The following LAMA2 variants were observed in gnomAD, a reference collection of about 807,000 sequenced individuals.
The protein encoded by LAMA2 is laminin subunit alpha 2, also known as laminin subunit alpha-2.
LAMA2 carries 269 observed loss-of-function variants against 364.8 expected under a neutral mutation model. The observed-to-expected ratio is 0.74, with a 90% CI of 0.67 to 0.82. The LOEUF (loss-of-function observed/expected upper bound fraction) is 0.82. Among genes scored for constraint, LAMA2 ranks in the 40% least tolerant of loss-of-function variants. The pLI, the probability that LAMA2 is intolerant of heterozygous loss-of-function variation, is 0.00. For missense variants in LAMA2, 3,807 were observed against 3,873.2 expected, an observed-to-expected ratio of 0.98 and a Z score of 0.45; for synonymous variants, 1,379 against 1,370.6, an observed-to-expected ratio of 1.01 and a Z score of -0.14.
intron 35 of LAMA2, among the ~76,000 whole-genome samples, chr6:129,387,980 G>A (rs1021494230): frequency 1.3e-5 from 2 of 152,080 alleles, no homozygotes; most frequent in Non-Finnish European, 2.9e-5. Flanking sequence ...ATGATGGGCT[G>A]GGCGTGGTGG....
At chr6:129,383,069 C>T (rs1383744876) in intron 34 of LAMA2, 53 bp from the exon 35 acceptor site, 30 of 1,431,884 alleles carry the variant, frequency 2.1e-5, no homozygotes, top group Non-Finnish European at 2.7e-5. Flanking sequence ...GCTTATCTAG[C>T]TGTAGCTTCA....
intron 22 of LAMA2, among the ~76,000 whole-genome samples, chr6:129,303,528 A>G (rs566433665): frequency 6.6e-6 from 1 of 152,288 alleles, no homozygotes; most frequent in East Asian, 1.9e-4. Context: ...TATAATTGAA[A>G]ATGATGTTGG....
chr6:129,233,840 T>C (rs748698919), intron 12 of LAMA2, among the ~76,000 whole-genome samples: 6 of 152,206 alleles, frequency 3.9e-5, no homozygotes, highest in Non-Finnish European at 8.8e-5. Context: ...TTGTCCTTTT[T>C]TTCCTTTTCC....
At chr6:129,308,110 G>A (rs1347508178) in intron 22 of LAMA2, among the ~76,000 whole-genome samples, 1 of 152,202 alleles carries the variant, frequency 6.6e-6, no homozygotes, top group East Asian at 1.9e-4. Context: ...ACTTCAATTA[G>A]ACATGTGATT....
intron 1 of LAMA2, chr6:128,929,619 G>T: frequency 7.2e-7 from 1 of 1,383,534 alleles, no homozygotes; most frequent in South Asian, 1.2e-5. Flanking sequence ...CTTCCACGAT[G>T]CTGACCTGCT....
At chr6:129,342,146 A>C (rs1240382177) in intron 29 of LAMA2, among the ~76,000 whole-genome samples, 197 bp from the exon 30 acceptor site, 1 of 152,220 alleles carries the variant, frequency 6.6e-6, no homozygotes, top group Non-Finnish European at 1.5e-5. Flanking sequence ...TTAGTTTCTC[A>C]AATCAAAGAG....
chr6:129,321,403 A>G (rs189442819), intron 28 of LAMA2, among the ~76,000 whole-genome samples: 2 of 152,292 alleles, frequency 1.3e-5, no homozygotes, highest in Admixed American at 1.3e-4. Flanking sequence ...TTTAGCAGGT[A>G]AACACCAAGT....
At chr6:129,157,657 T>C (rs1182535667) in intron 8 of LAMA2, 56 of 1,612,284 alleles carry the variant, frequency 3.5e-5, no homozygotes, top group Non-Finnish European at 4.7e-5. Flanking sequence ...CATTCATCAC[T>C]GTTCCACCGA....
intron 1 of LAMA2, among the ~76,000 whole-genome samples, chr6:128,883,871 T>C (rs1775993666): frequency 6.6e-6 from 1 of 151,788 alleles, no homozygotes; most frequent in Non-Finnish European, 1.5e-5. Flanking sequence ...GAACTTTGTT[T>C]TCAACTTTTA....
intron 4 of LAMA2, among the ~76,000 whole-genome samples, chr6:129,099,299 A>G (rs1409078080): frequency 6.6e-6 from 1 of 151,902 alleles, no homozygotes; most frequent in African/African-American, 2.4e-5. Flanking sequence ...CAATGCTGAA[A>G]TGCACACTAA....
chr6:129,217,659 T>C (rs1211226405), intron 12 of LAMA2, among the ~76,000 whole-genome samples: 1 of 152,214 alleles, frequency 6.6e-6, no homozygotes, highest in African/African-American at 2.4e-5. Context: ...AAACAAGTTA[T>C]TTATATTTAT....
At chr6:128,960,613 T>A (rs949279139) in intron 1 of LAMA2, among the ~76,000 whole-genome samples, 9 of 152,242 alleles carry the variant, frequency 5.9e-5, no homozygotes, top group Admixed American at 5.9e-4. Context: ...ACCCGCCTGG[T>A]CCTCCCAAAG....
chr6:129,321,359 G>A (rs764278019), intron 28 of LAMA2, among the ~76,000 whole-genome samples: 24 of 152,136 alleles, frequency 1.6e-4, no homozygotes, highest in Non-Finnish European at 2.9e-4. Flanking sequence ...CAGTAAGCCT[G>A]AGACCCTGCA....
At position 129,008,397 on chromosome 6, in the gene LAMA2, C is replaced by G. The variant is rs146364172; in HGVS notation, c.113-41521C>G. On this transcript the variant is annotated intron_variant, in intron 1 of 64. Transcript: ENST00000421865. ...ACTGAAAATTAAGAGTACAGACCCA[C>G]ATGCTATTATACAAGAGAAAGTAGT... 5.3e-5 allele frequency among the ~76,000 whole-genome samples: 8 copies of G among 152,190 alleles called. No homozygotes were observed. In the East Asian group the frequency reaches 1.5e-3, roughly 29 times the overall value.
At chr6:129,334,225 T>C (rs1297886176) in intron 29 of LAMA2, among the ~76,000 whole-genome samples, 1 of 152,210 alleles carries the variant, frequency 6.6e-6, no homozygotes, top group Non-Finnish European at 1.5e-5. Context: ...CCCTCTACCT[T>C]GGTATAGTGG....
chr6:129,470,874 G>A (rs1386030749), intron 51 of LAMA2, among the ~76,000 whole-genome samples: 1 of 151,838 alleles, frequency 6.6e-6, no homozygotes, highest in African/African-American at 2.4e-5. Flanking sequence ...AGTCCTTCAG[G>A]AGTGTTCCCC....
At chr6:129,043,120 C>A (rs1787220421) in intron 1 of LAMA2, among the ~76,000 whole-genome samples, 1 of 152,164 alleles carries the variant, frequency 6.6e-6, no homozygotes, top group Non-Finnish European at 1.5e-5. Context: ...AACAGCAATG[C>A]AGCAGACTTT....
At chr6:128,955,701 G>A (rs891240540) in intron 1 of LAMA2, among the ~76,000 whole-genome samples, 1 of 151,834 alleles carries the variant, frequency 6.6e-6, no homozygotes, top group African/African-American at 2.4e-5. Flanking sequence ...TCTATCATTG[G>A]TCAATACATC....
rs559133487 is a variant in LAMA2, at chr6:129,019,882, G to A, written c.113-30036G>A. 3.9e-5 allele frequency among the ~76,000 whole-genome samples: 6 copies of A among 152,166 alleles called. No homozygotes were observed. In the South Asian group the frequency reaches 1.0e-3, roughly 26 times the overall value. ...GCAGATCACCTGAGGTCAGGAGTTC[G>A]AGACCAGCCTGGCCAACATGGCGAA... On this transcript the variant is annotated intron_variant, in intron 1 of 64. Transcript: ENST00000421865.
Sources: allele counts gnomAD v4.1 joint callset (sites outside exome capture counted in the v4.1 genomes callset), GRCh38; gene constraint gnomAD v4.1.1; transcripts MANE v1.5; gene names NCBI Gene and HGNC (gene_info 2026-07-23, HGNC 2026-07-21).